The following PACS2 variants were observed in gnomAD, a reference collection of about 807,000 sequenced individuals.
PACS2 encodes the protein phosphofurin acidic cluster sorting protein 2, also known as PACS1-like protein.
A neutral mutation model predicts 113.0 loss-of-function variants in PACS2; 36 were observed. The observed-to-expected ratio is 0.32, with a 90% confidence interval of 0.24 to 0.42. The LOEUF (loss-of-function observed/expected upper bound fraction) is 0.42, where lower values mean the gene tolerates loss of function less well. Among genes scored for constraint, PACS2 ranks in the 10% least tolerant of loss-of-function variants. The pLI is 1.00. For missense variants in PACS2, 1,015 were observed against 1,239.5 expected, an observed-to-expected ratio of 0.82 and a Z score of 2.72; for synonymous variants, 589 against 536.1, an observed-to-expected ratio of 1.10 and a Z score of -1.36.
chr14:105,305,426 G>GA (rs142914488), intron 1 of PACS2, among the ~76,000 whole-genome samples: 5,954 of 152,050 alleles, frequency 0.039, 426 homozygotes, highest in African/African-American at 0.13. Context: ...CAAGAAAAAA[G>GA]AAAAAACGTG....
rs2080922293 is a variant in PACS2 at position 105,379,963 on chromosome 14, A to G, written c.1051-117A>G. The stretch of plus-strand genomic sequence containing the variant: ...TGGAGCCACTCTGCACCCACTGTCC[A>G]GCACACTGCCACGCAGGTACCCCGG... On this transcript the variant is annotated intron_variant, in intron 10 of 24. Coordinates refer to ENST00000447393, the MANE Select transcript of PACS2 (RefSeq NM_001100913.3). 3.8e-6 allele frequency: 5 copies of G among 1,305,948 alleles called. No homozygotes were observed. In the African/African-American group the frequency reaches 5.9e-5, roughly 15 times the overall value. The allele number at this position is 1,305,948 out of a possible 1,614,324, so 80.9% of individuals were successfully genotyped here.
chr14:105,324,965 A>T lies in PACS2; in HGVS notation c.119+9928A>T, dbSNP rs2059041392. On this transcript the variant is annotated intron_variant, in intron 1 of 24. Transcript: ENST00000447393. This position sits in a 1 kb window ranked among gnomAD's most constrained non-coding sequence, Gnocchi z 4.7. Reference sequence around the variant, plus strand: ...GGTCTGCCCTTCCTGCTGGGGGTGCACACGGGCCTGGGGCTGAGCAACCCG... The same window carrying T: ...GGTCTGCCCTTCCTGCTGGGGGTGCTCACGGGCCTGGGGCTGAGCAACCCG... Among the ~76,000 whole-genome samples, 1 of 151,874 alleles carries T rather than the reference A, an allele frequency of 6.6e-6. No individual in the cohort carries two copies. The highest frequency in any genetic ancestry group is 2.1e-4 in the South Asian group (1 of 4,824).
chr14:105,360,663 G>A (rs1251831747), intron 4 of PACS2, among the ~76,000 whole-genome samples: 1 of 152,066 alleles, frequency 6.6e-6, no homozygotes, highest in Admixed American at 6.6e-5. Flanking sequence ...AGTGTTGGTT[G>A]CTGAAGGCTA....
chr14:105,337,136 G>A (rs1008896737), intron 1 of PACS2, among the ~76,000 whole-genome samples: 4 of 152,268 alleles, frequency 2.6e-5, no homozygotes, highest in Admixed American at 6.5e-5. Context: ...CAACGTGGAT[G>A]GAACTTGAGT....
chr14:105,318,192 A>G (rs990845239), intron 1 of PACS2, among the ~76,000 whole-genome samples: 1 of 152,216 alleles, frequency 6.6e-6, no homozygotes, highest in Non-Finnish European at 1.5e-5. Context: ...TATGTTGCCC[A>G]GACTGGTCTT....
intron 1 of PACS2, among the ~76,000 whole-genome samples, chr14:105,318,782 C>G (rs1386123982): frequency 6.6e-6 from 1 of 151,944 alleles, no homozygotes; most frequent in Non-Finnish European, 1.5e-5. Flanking sequence ...CCTCAGCCTC[C>G]CGAGTAGCTG....
chr14:105,391,029 T>C, intron 20 of PACS2, 178 bp from the exon 21 acceptor site: 1 of 627,558 alleles, frequency 1.6e-6, no homozygotes, highest in Non-Finnish European at 2.9e-6. Context: ...ACATGGCTGC[T>C]CTGAGCTCAG....
intron 19 of PACS2, among the ~76,000 whole-genome samples, chr14:105,386,946 C>A (rs1555413715): frequency 6.6e-6 from 1 of 152,220 alleles, no homozygotes; most frequent in African/African-American, 2.4e-5. Flanking sequence ...CCGGCCGCCG[C>A]AGGCCGTGGA....
chr14:105,311,664 C>T (rs1410973154), upstream of PACS2, among the ~76,000 whole-genome samples: 1 of 152,174 alleles, frequency 6.6e-6, no homozygotes, highest in Non-Finnish European at 1.5e-5. Flanking sequence ...GGGTTGATTC[C>T]AGGCCTCACT....
chr14:105,374,715 G>A (rs1260654044), intron 8 of PACS2: 3 of 152,354 alleles, frequency 2.0e-5, no homozygotes, highest in Admixed American at 1.3e-4. Context: ...AATCCCTGGA[G>A]GTGTGTGCTG....
chr14:105,385,664 T>C (rs587744399), intron 18 of PACS2, 21 bp from the exon 19 acceptor site: 2 of 1,515,694 alleles, frequency 1.3e-6, no homozygotes, highest in South Asian at 2.5e-5. Context: ...CTGTTTTCTC[T>C]TTTGGTGGCT....
chr14:105,362,348 T>C (rs1389211790), intron 4 of PACS2, among the ~76,000 whole-genome samples: 93 of 134,720 alleles, frequency 6.9e-4, no homozygotes, highest in East Asian at 2.0e-3. Flanking sequence ...AACCTGGAGG[T>C]GGAGCTTGCA....
In PACS2 at chr14:105,354,419, G is replaced by T. The variant is rs587723954; in HGVS notation, c.298-633G>T. 6.6e-6 allele frequency among the ~76,000 whole-genome samples: 1 copy of T among 152,356 alleles called. No homozygotes were observed. Among genetic ancestry groups the T allele is most frequent in the African/African-American group, 2.4e-5 (1 of 41,584 alleles). On this transcript the variant is annotated intron_variant, in intron 3 of 24. Coordinates refer to ENST00000447393, the MANE Select transcript of PACS2 (RefSeq NM_001100913.3). The surrounding 1 kb of genome is among the most constrained non-coding windows in gnomAD (Gnocchi z 4.2). ...GCCTGGCCCAATGCTCCATGGTTCA[G>T]TGGGTTTTGATAGGCATGCTCAGGC...
chr14:105,381,184 T>C (rs1309998591), intron 12 of PACS2, 85 bp downstream of exon 12: 30 of 1,227,190 alleles, frequency 2.4e-5, no homozygotes, highest in Non-Finnish European at 3.0e-5. Flanking sequence ...GGTGGGTGCG[T>C]GTCAGTCCAT....
chr14:105,374,402 A>T (rs182161114), intron 8 of PACS2, among the ~76,000 whole-genome samples: 62 of 152,282 alleles, frequency 4.1e-4, no homozygotes, highest in African/African-American at 1.5e-3. Flanking sequence ...TTTTTTGCAA[A>T]TCATATATGT....
intron 1 of PACS2, among the ~76,000 whole-genome samples, chr14:105,333,895 C>T (rs770957415): frequency 1.3e-5 from 2 of 152,252 alleles, no homozygotes; most frequent in Non-Finnish European, 2.9e-5. Flanking sequence ...GGAGCCTCCC[C>T]CAGCTGTCAC....
At chr14:105,394,240 G>A in intron 24 of PACS2, 1 of 985,370 alleles carries the variant, frequency 1.0e-6, no homozygotes, top group Middle Eastern at 5.2e-4. Flanking sequence ...GGAAGTGGAT[G>A]TGGACGAGCA....
At chr14:105,378,854 G>T (rs1306551866) in intron 9 of PACS2, among the ~76,000 whole-genome samples, 1 of 152,264 alleles carries the variant, frequency 6.6e-6, no homozygotes, top group Admixed American at 6.5e-5. Flanking sequence ...GTCTGCAAGG[G>T]TCTGGTTTGT....
At chr14:105,311,762 C>CAAG (rs1422578592), upstream of PACS2, among the ~76,000 whole-genome samples, 1 of 152,226 alleles carries the variant, frequency 6.6e-6, no homozygotes, top group African/African-American at 2.4e-5. Context: ...TCTTAGAGCT[C>CAAG]TTGGCCATCC....
Sources: allele counts gnomAD v4.1 joint callset (sites outside exome capture counted in the v4.1 genomes callset), GRCh38; gene constraint gnomAD v4.1.1; non-coding constraint Gnocchi (gnomAD v3.1); transcripts MANE v1.5; gene names NCBI Gene and HGNC (gene_info 2026-07-23, HGNC 2026-07-21).